Variants in ASB9 observed in about 807,000 individuals in gnomAD.
ASB9 encodes the protein ankyrin repeat and SOCS box containing 9.
ASB9 carries 5 observed loss-of-function variants against 16.6 expected under a neutral mutation model. The ratio of observed to expected loss-of-function variants is 0.30; its 90% CI spans 0.16 to 0.63. The LOEUF (loss-of-function observed/expected upper bound fraction) is 0.63. ASB9 is among the 30% of genes least tolerant of loss of function. The pLI is 0.82. For missense variants in ASB9, 216 were observed against 229.4 expected, an observed-to-expected ratio of 0.94 and a Z score of 0.38; for synonymous variants, 100 against 86.4, an observed-to-expected ratio of 1.16 and a Z score of -0.87.
intron 2 of ASB9, among the ~76,000 whole-genome samples, chrX:15,256,149 C>A (rs906840838): frequency 4.5e-5 from 5 of 110,159 alleles, no homozygotes; most frequent in Non-Finnish European, 9.5e-5. Flanking sequence ...TTTTGTGACA[C>A]GTGAAAATTT....
intron 1 of ASB9, among the ~76,000 whole-genome samples, chrX:15,267,425 T>TAAAAACAC (rs1555934622): frequency 0.012 from 1,083 of 87,032 alleles, no homozygotes; most frequent in African/African-American, 0.043. Flanking sequence ...AAAATATATA[T>TAAAAACAC]ATATATATAA....
chrX:15,248,658 G>T, intron 6 of ASB9, 86 bp downstream of exon 6: 1 of 1,130,211 alleles, frequency 8.8e-7, no homozygotes, highest in South Asian at 2.2e-5. Flanking sequence ...ATAGGAATGG[G>T]AGCCAGAAAT....
At chrX:15,267,242 CA>C (rs1356965205) in intron 1 of ASB9, among the ~76,000 whole-genome samples, 84 of 84,352 alleles carry the variant, frequency 1.0e-3, no homozygotes, top group Non-Finnish European at 1.4e-3. Context: ...TACTAAAATA[CA>C]AAAAAAAAAC....
intron 1 of ASB9, among the ~76,000 whole-genome samples, chrX:15,267,886 A>C (rs767496006): frequency 7.2e-5 from 8 of 110,842 alleles, no homozygotes; most frequent in African/African-American, 2.6e-4. Flanking sequence ...TCTAAATCCC[A>C]CTCACCATTG....
Position 15,244,313 on chromosome X carries a change from C to A in ASB9, c.*193G>T, listed in dbSNP as rs1355777713. 20 of 467,429 alleles carry A rather than the reference C, an allele frequency of 4.3e-5. No homozygotes were observed. The highest frequency in any genetic ancestry group is 6.9e-5 in the Non-Finnish European group (20 of 290,613). The allele number at this position is 467,429 out of a possible 1,213,427, so 38.5% of individuals were successfully genotyped here. A position where few individuals can be genotyped will look rare whatever the true frequency, so the allele number is the denominator to read the frequency against. On this transcript the variant is annotated 3_prime_UTR_variant, in exon 7 of 7. Coordinates refer to ENST00000380488, the MANE Select transcript of ASB9 (RefSeq NM_001031739.3). ...ACAAACGTATGCAGTGTCTTTCAAC[C>A]CTGGCTTGAGTTTAACAAATACAAA...
upstream of ASB9, chrX:15,270,171 T>TGCG (rs1360504462): frequency 2.8e-5 from 6 of 216,577 alleles, no homozygotes; most frequent in Non-Finnish European, 5.0e-5. Flanking sequence ...GCCCTAAGTC[T>TGCG]GCGAAGTTGC....
At chrX:15,255,479 G>A (rs1054387494) in intron 2 of ASB9, among the ~76,000 whole-genome samples, 2 of 111,740 alleles carry the variant, frequency 1.8e-5, no homozygotes, top group African/African-American at 6.5e-5. Context: ...AAGAGGGACA[G>A]GATTGTGTTC....
chrX:15,248,953 CAA>C lies in ASB9; in HGVS notation c.569-20_569-19del, dbSNP rs779317188. On this transcript the variant is annotated intron_variant, in intron 5 of 6. Coordinates refer to ENST00000380488, the MANE Select transcript of ASB9 (RefSeq NM_001031739.3). ...GTCCGCTCCTAAACAGTCACGAGAACAAAAAAGAGTCAGCAAGGAGCAGAATC... is the reference window on the plus strand; with the variant it reads ...GTCCGCTCCTAAACAGTCACGAGAACAAAAGAGTCAGCAAGGAGCAGAATC... 48 of 1,134,977 alleles carry C rather than the reference CAA, an allele frequency of 4.2e-5. No individual in the cohort carries two copies. In the African/African-American group the frequency reaches 7.6e-4, roughly 18 times the overall value. 93.5% of individuals were successfully genotyped at this position (1,134,977 alleles called of 1,213,427 possible). A position where few individuals can be genotyped will look rare whatever the true frequency, so the allele number is the denominator to read the frequency against.
intron 1 of ASB9, among the ~76,000 whole-genome samples, chrX:15,259,932 G>C: frequency 8.9e-6 from 1 of 112,062 alleles, no homozygotes; most frequent in East Asian, 2.8e-4. Flanking sequence ...TTATGTATAT[G>C]CAAATATTCC....
At chrX:15,260,153 C>T (rs1175401504) in intron 1 of ASB9, among the ~76,000 whole-genome samples, 1 of 112,224 alleles carries the variant, frequency 8.9e-6, no homozygotes, top group Admixed American at 9.4e-5. Flanking sequence ...AATCCCAGCA[C>T]TTTGAGAGGC....
chrX:15,257,012 G>C (rs1282505730), intron 2 of ASB9, among the ~76,000 whole-genome samples: 1 of 110,838 alleles, frequency 9.0e-6, no homozygotes, highest in African/African-American at 3.3e-5. Flanking sequence ...TCAGACACAA[G>C]TTGGGGGAAG....
At chrX:15,264,959 C>T (rs1926266474) in intron 1 of ASB9, among the ~76,000 whole-genome samples, 1 of 111,706 alleles carries the variant, frequency 9.0e-6, no homozygotes, top group African/African-American at 3.3e-5. Context: ...GGCACCTACC[C>T]TTGTGACTTC....
chrX:15,250,783 G>A lies in ASB9; in HGVS notation c.434-219C>T, dbSNP rs769347906. Among the ~76,000 whole-genome samples, 10 of 111,877 alleles carry A rather than the reference G, an allele frequency of 8.9e-5. No homozygotes were observed. In the South Asian group the frequency reaches 3.7e-3, roughly 42 times the overall value. On this transcript the variant is annotated intron_variant, in intron 4 of 6. Coordinates refer to ENST00000380488, the MANE Select transcript of ASB9 (RefSeq NM_001031739.3). ...GTCCCCCAGGCTGGAGTGCAGTGGC[G>A]CAATCTCGGCTTACTGCAAGCTCCG...
At chrX:15,264,851 G>A (rs866239745) in intron 1 of ASB9, among the ~76,000 whole-genome samples, 2 of 111,947 alleles carry the variant, frequency 1.8e-5, no homozygotes, top group Non-Finnish European at 3.8e-5. Context: ...GAAAGTCTAG[G>A]AGGGCTTCAT....
chrX:15,263,863 C>A (rs1926173261), intron 1 of ASB9, among the ~76,000 whole-genome samples: 1 of 111,809 alleles, frequency 8.9e-6, no homozygotes, highest in Non-Finnish European at 1.9e-5. Flanking sequence ...TCAGGCAAAA[C>A]CCCAAAAGAT....
intron 1 of ASB9, among the ~76,000 whole-genome samples, chrX:15,260,538 A>G (rs1925894114): frequency 8.9e-6 from 1 of 112,416 alleles, no homozygotes; most frequent in African/African-American, 3.2e-5. Flanking sequence ...AATGAGGCAT[A>G]GATCTGATTT....
At chrX:15,264,364 GGT>G (rs1459454367) in intron 1 of ASB9, among the ~76,000 whole-genome samples, 2 of 111,246 alleles carry the variant, frequency 1.8e-5, no homozygotes, top group Non-Finnish European at 3.8e-5. Context: ...GAGGCACGGG[GGT>G]TAAGAACTTA....
At chrX:15,247,225 A>AT (rs1340547999) in intron 6 of ASB9, among the ~76,000 whole-genome samples, 2 of 111,988 alleles carry the variant, frequency 1.8e-5, no homozygotes, top group Non-Finnish European at 3.8e-5. Flanking sequence ...TGACTACACC[A>AT]AAACCCCAAA....
At chrX:15,259,576 C>T (rs763479357) in intron 1 of ASB9, among the ~76,000 whole-genome samples, 2 of 112,829 alleles carry the variant, frequency 1.8e-5, no homozygotes, top group Non-Finnish European at 3.7e-5. Context: ...ACCCGCTTCA[C>T]CTTTTCTGAC....
Sources: allele counts gnomAD v4.1 joint callset (sites outside exome capture counted in the v4.1 genomes callset), GRCh38; gene constraint gnomAD v4.1.1; transcripts MANE v1.5; gene names NCBI Gene and HGNC (gene_info 2026-07-23, HGNC 2026-07-21).